Variants in COMMD10 observed in about 807,000 individuals in gnomAD.
The protein encoded by COMMD10 is COMM domain containing 10, also known as COMM domain-containing protein 10.
Under a neutral mutation model 28.9 loss-of-function variants are expected in COMMD10, and 33 were observed. That is an observed-to-expected ratio of 1.14 (90% CI 0.87 to 1.53). The LOEUF is 1.53. Among genes scored for constraint, COMMD10 ranks in the 40% most tolerant of loss-of-function variants. The pLI is 0.00. For missense variants in COMMD10, 310 were observed against 233.4 expected (o/e 1.33, Z -2.14); for synonymous variants, 110 against 81.7 (o/e 1.35, Z -1.87).
chr5:116,098,611 G>A (rs1331596082), intron 4 of COMMD10, among the ~76,000 whole-genome samples: 1 of 152,158 alleles, frequency 6.6e-6, no homozygotes, highest in Non-Finnish European at 1.5e-5. Context: ...GATATGTGTA[G>A]ATTATATTTA....
At chr5:116,159,705 G>A (rs59710673) in intron 5 of COMMD10, among the ~76,000 whole-genome samples, 16,457 of 152,134 alleles carry the variant, frequency 0.11, 1,308 homozygotes, top group African/African-American at 0.22. Context: ...GTGCAGAGAT[G>A]CATGGGGTTG....
In COMMD10 at chr5:116,161,040, ATT is replaced by A. The variant is rs1171525579; in HGVS notation, c.510+26864_510+26865del. The stretch of plus-strand genomic sequence containing the variant: ...TAGTAGGGCTTTGAAAAAATATCTC[ATT>A]TCTTGGGAAATAAAATATTTATGGG... On this transcript the variant is annotated intron_variant, in intron 5 of 6. Transcript: ENST00000274458. Among the ~76,000 whole-genome samples the A allele has an allele frequency of 2.6e-5, 4 of 152,154 alleles. No individual in the cohort carries two copies. The East Asian group carries it at 7.7e-4, about 29-fold the overall frequency.
intron 5 of COMMD10, among the ~76,000 whole-genome samples, chr5:116,178,095 C>T (rs1382038496): frequency 3.3e-5 from 5 of 151,892 alleles, no homozygotes; most frequent in African/African-American, 1.2e-4. Context: ...CTTCATTTTC[C>T]TAATGTTTAG....
intron 4 of COMMD10, among the ~76,000 whole-genome samples, chr5:116,098,777 G>A (rs1041851335): frequency 3.3e-5 from 5 of 151,934 alleles, no homozygotes; most frequent in Non-Finnish European, 7.4e-5. Context: ...AAATCAAAAG[G>A]TGTTTATTTT....
intron 4 of COMMD10, among the ~76,000 whole-genome samples, chr5:116,098,141 A>T (rs1254710371): frequency 6.6e-6 from 1 of 152,216 alleles, no homozygotes; most frequent in Non-Finnish European, 1.5e-5. Flanking sequence ...TCTAAGTCTT[A>T]TTCCTTTTAT....
At chr5:116,124,668 G>T (rs114357478) in intron 4 of COMMD10, among the ~76,000 whole-genome samples, 8,039 of 152,178 alleles carry the variant, frequency 0.053, 292 homozygotes, top group East Asian at 0.14. Flanking sequence ...TAACAGTGGG[G>T]TGTTAAAGTC....
chr5:116,231,549 C>G (rs1334817926), intron 5 of COMMD10, among the ~76,000 whole-genome samples: 3 of 152,044 alleles, frequency 2.0e-5, no homozygotes, highest in Non-Finnish European at 4.4e-5. Flanking sequence ...TCACTAAAAT[C>G]TATGGAGATC....
chr5:116,106,867 G>T (rs1039251162), intron 4 of COMMD10, among the ~76,000 whole-genome samples: 2 of 152,054 alleles, frequency 1.3e-5, no homozygotes, highest in Non-Finnish European at 2.9e-5. Context: ...GAGCCTATGT[G>T]TGTCTTTGCA....
chr5:116,256,665 C>T (rs1047529631), intron 5 of COMMD10, among the ~76,000 whole-genome samples: 1 of 151,700 alleles, frequency 6.6e-6, no homozygotes, highest in Non-Finnish European at 1.5e-5. Context: ...TTTTCATACA[C>T]GTAATGAGAT....
chr5:116,268,866 A>G (rs570953297), intron 5 of COMMD10, among the ~76,000 whole-genome samples: 1 of 151,576 alleles, frequency 6.6e-6, no homozygotes, highest in Non-Finnish European at 1.5e-5. Context: ...CAAACACCGC[A>G]TATTCTCACT....
chr5:116,201,683 A>C (rs1580544089), intron 5 of COMMD10, among the ~76,000 whole-genome samples: 1 of 152,228 alleles, frequency 6.6e-6, no homozygotes, highest in East Asian at 1.9e-4. Context: ...GCCAGACCAG[A>C]AACCAGAAAT....
intron 4 of COMMD10, among the ~76,000 whole-genome samples, chr5:116,123,540 C>T (rs914877443): frequency 2.0e-5 from 3 of 151,660 alleles, no homozygotes; most frequent in African/African-American, 4.8e-5. Flanking sequence ...CTTTTTTTGT[C>T]GTGTCTCTGT....
intron 5 of COMMD10, among the ~76,000 whole-genome samples, chr5:116,265,394 T>A (rs1224521438): frequency 1.3e-5 from 2 of 151,764 alleles, no homozygotes; most frequent in East Asian, 3.9e-4. Flanking sequence ...CATATTTAGG[T>A]TATATTTAAG....
chr5:116,184,975 A>G (rs1748091275), intron 5 of COMMD10, among the ~76,000 whole-genome samples: 1 of 152,082 alleles, frequency 6.6e-6, no homozygotes, highest in Non-Finnish European at 1.5e-5. Context: ...GCAAAATGAG[A>G]ATAATATGAC....
intron 4 of COMMD10, among the ~76,000 whole-genome samples, chr5:116,116,219 C>A (rs1271716298): frequency 6.6e-6 from 1 of 152,000 alleles, no homozygotes; most frequent in Non-Finnish European, 1.5e-5. Context: ...TTATTGTTAA[C>A]AACTAGTTGT....
rs925746772 is a variant in COMMD10 at position 116,085,050 on chromosome 5, A to C, written c.-3A>C. ...AGACGGCGGCAGTGCGAGAAAGCCG[A>C]AGATGGCGGTCCCCGCGGCGCTGAT... On this transcript the variant is annotated 5_prime_UTR_variant, in exon 1 of 7. Transcript: ENST00000274458. 2 of 1,608,468 alleles carry C rather than the reference A, an allele frequency of 1.2e-6. No individual in the cohort carries two copies. Among genetic ancestry groups the C allele is most frequent in the Non-Finnish European group, 1.7e-6 (2 of 1,178,628 alleles).
intron 5 of COMMD10, among the ~76,000 whole-genome samples, chr5:116,170,371 GC>G (rs2112580370): frequency 6.6e-6 from 1 of 152,328 alleles, no homozygotes; most frequent in African/African-American, 2.4e-5. Flanking sequence ...CTATGCTCAT[GC>G]ATAGGAAGAA....
intron 5 of COMMD10, among the ~76,000 whole-genome samples, chr5:116,283,288 T>G (rs961347567): frequency 5.3e-5 from 8 of 151,792 alleles, no homozygotes; most frequent in Admixed American, 3.9e-4. Context: ...ACTTATTCAT[T>G]TGTATGGAAG....
At chr5:116,248,275 T>C (rs1287902204) in intron 5 of COMMD10, among the ~76,000 whole-genome samples, 1 of 151,994 alleles carries the variant, frequency 6.6e-6, no homozygotes, top group African/African-American at 2.4e-5. Flanking sequence ...TTGACTTAAG[T>C]GTAGCTTTTG....
Sources: allele counts gnomAD v4.1 joint callset (sites outside exome capture counted in the v4.1 genomes callset), GRCh38; gene constraint gnomAD v4.1.1; transcripts MANE v1.5; gene names NCBI Gene and HGNC (gene_info 2026-07-23, HGNC 2026-07-21).